Variants in GPR158 observed in about 807,000 individuals in gnomAD.
GPR158 encodes the protein G protein-coupled receptor 158.
In GPR158, 30 loss-of-function variants were observed where a neutral mutation model predicts 78.2. That is an observed-to-expected ratio of 0.38 (90% CI 0.29 to 0.52). The LOEUF is 0.52. GPR158 is among the 20% of genes least tolerant of loss of function. The pLI is 0.83. For missense variants in GPR158, 1,463 were observed against 1,523.5 expected, an observed-to-expected ratio of 0.96 and a Z score of 0.66; for synonymous variants, 581 against 591.1, an observed-to-expected ratio of 0.98 and a Z score of 0.25.
intron 4 of GPR158, among the ~76,000 whole-genome samples, chr10:25,437,049 A>G (rs902146428): frequency 1.2e-4 from 19 of 152,252 alleles, no homozygotes; most frequent in African/African-American, 3.6e-4. Flanking sequence ...AACAATTAAG[A>G]AGGAGGAGGC....
chr10:25,275,396 T>A (rs1854170584), intron 2 of GPR158, among the ~76,000 whole-genome samples: 1 of 152,214 alleles, frequency 6.6e-6, no homozygotes, highest in African/African-American at 2.4e-5. Context: ...CTTTTCCTTT[T>A]ATAATTGTCT....
At chr10:25,536,651 T>G (rs115291467) in intron 5 of GPR158, among the ~76,000 whole-genome samples, 1,629 of 152,378 alleles carry the variant, frequency 0.011, 35 homozygotes, top group African/African-American at 0.037. Context: ...CCAAATATCT[T>G]AGCTGATAAA....
At chr10:25,375,769 C>G (rs946447769) in intron 2 of GPR158, among the ~76,000 whole-genome samples, 4 of 151,658 alleles carry the variant, frequency 2.6e-5, no homozygotes, top group African/African-American at 9.6e-5. Context: ...TTGCTAATAT[C>G]GTAGTGTCTT....
At chr10:25,363,290 G>GT (rs549320203) in intron 2 of GPR158, among the ~76,000 whole-genome samples, 50 of 151,940 alleles carry the variant, frequency 3.3e-4, no homozygotes, top group African/African-American at 1.1e-3. Flanking sequence ...TTCAGATTCT[G>GT]TTTTTATCAT....
Position 25,502,661 on chromosome 10 carries a change from G to T in GPR158, c.1404+35942G>T, listed in dbSNP as rs118036794. On this transcript the variant is annotated intron_variant, in intron 5 of 10. Transcript: ENST00000376351. ...GAGGCAGTGAGTTGCTAATTCCCAA[G>T]GACACCATCTATAGGCAGGACCATG... 4.8e-3 allele frequency among the ~76,000 whole-genome samples: 729 copies of T among 152,230 alleles called. 2 individuals carry two copies. Among genetic ancestry groups the T allele is most frequent in the Non-Finnish European group, 7.2e-3 (493 of 68,008 alleles).
In GPR158 at chr10:25,572,364, G is replaced by A. The variant is rs559416438; in HGVS notation, c.1515-285G>A. Among the ~76,000 whole-genome samples, 40 of 152,292 alleles carry A rather than the reference G, an allele frequency of 2.6e-4. 2 individuals are homozygous for A. Among genetic ancestry groups the A allele is most frequent in the Middle Eastern group, 6.8e-3 (2 of 294 alleles). ...CTGCATAAGCCAGGCACAGTGGCAC[G>A]TGCCTGGAGTCTCAGCTACTTGGAA... On this transcript the variant is annotated intron_variant, in intron 6 of 10. Transcript: ENST00000376351.
chr10:25,229,220 A>G (rs1188801027), intron 2 of GPR158, among the ~76,000 whole-genome samples: 1 of 152,118 alleles, frequency 6.6e-6, no homozygotes, highest in African/African-American at 2.4e-5. Context: ...GACAATTTGA[A>G]GAACCTTGAG....
intron 2 of GPR158, among the ~76,000 whole-genome samples, chr10:25,283,821 G>A (rs553778097): frequency 3.7e-4 from 56 of 151,748 alleles, no homozygotes; most frequent in Admixed American, 6.6e-4. Context: ...TTTTAATTTA[G>A]TTCAAAATAT....
At chr10:25,290,597 A>G (rs962045059) in intron 2 of GPR158, among the ~76,000 whole-genome samples, 13 of 152,162 alleles carry the variant, frequency 8.5e-5, no homozygotes. Flanking sequence ...CAAGGTAATG[A>G]TCAGAAAATG....
intron 2 of GPR158, among the ~76,000 whole-genome samples, chr10:25,341,738 A>G (rs1855305509): frequency 6.6e-6 from 1 of 151,814 alleles, no homozygotes; most frequent in Non-Finnish European, 1.5e-5. Flanking sequence ...ACTCTTATTT[A>G]TTCTGGATTT....
At chr10:25,585,369 G>C (rs1290862186) in intron 7 of GPR158, among the ~76,000 whole-genome samples, 1 of 152,186 alleles carries the variant, frequency 6.6e-6, no homozygotes, top group African/African-American at 2.4e-5. Flanking sequence ...GAAAAAAACT[G>C]AAAAACTCAG....
intron 2 of GPR158, among the ~76,000 whole-genome samples, chr10:25,371,612 T>C (rs1833994642): frequency 7.0e-6 from 1 of 143,822 alleles, no homozygotes; most frequent in African/African-American, 2.5e-5. Context: ...GGGAAAGGAT[T>C]CCCTATTTAA....
chr10:25,342,992 A>G (rs1169174544), intron 2 of GPR158, among the ~76,000 whole-genome samples: 1 of 151,926 alleles, frequency 6.6e-6, no homozygotes, highest in Non-Finnish European at 1.5e-5. Flanking sequence ...TTTCTGAAAG[A>G]TAAGACACTG....
chr10:25,394,272 A>G (rs1321458114), intron 2 of GPR158, among the ~76,000 whole-genome samples: 2 of 152,240 alleles, frequency 1.3e-5, no homozygotes, highest in Non-Finnish European at 2.9e-5. Flanking sequence ...TTAATTAAAG[A>G]CAGTAAGGCT....
rs1431456543 is a variant in GPR158, at chr10:25,503,990, A to G, written c.1404+37271A>G. Among the ~76,000 whole-genome samples the G allele has an allele frequency of 4.6e-5, 7 of 151,736 alleles. No individual in the cohort carries two copies. The East Asian group carries it at 1.4e-3, about 30-fold the overall frequency. ...ACTGCAATCTCTACCTCCCAGGTTC[A>G]AGCGATTCTCGTGCCTCAGCCTCCC... On this transcript the variant is annotated intron_variant, in intron 5 of 10. Coordinates refer to ENST00000376351, the MANE Select transcript of GPR158 (RefSeq NM_020752.3).
Position 25,434,138 on chromosome 10 carries a change from G to A in GPR158, c.1335+21665G>A, listed in dbSNP as rs868389674. ...GATGCGCCACTGCACTCCAGCCTGG[G>A]CGACACAGCAAGACTCTGTCTCAAA... On this transcript the variant is annotated intron_variant, in intron 4 of 10. Transcript: ENST00000376351. 3.3e-5 allele frequency among the ~76,000 whole-genome samples: 5 copies of A among 152,038 alleles called. No individual in the cohort carries two copies. In the South Asian group the frequency reaches 6.2e-4, roughly 19 times the overall value.
intron 5 of GPR158, among the ~76,000 whole-genome samples, chr10:25,494,140 AAG>A (rs2130650648): frequency 6.6e-6 from 1 of 152,284 alleles, no homozygotes; most frequent in South Asian, 2.1e-4. Flanking sequence ...TTGAGGAAAA[AAG>A]AGAGGGAGAG....
intron 4 of GPR158, among the ~76,000 whole-genome samples, chr10:25,419,633 C>G (rs1834718679): frequency 6.6e-6 from 1 of 152,180 alleles, no homozygotes; most frequent in Non-Finnish European, 1.5e-5. Flanking sequence ...CCTCCATACC[C>G]TAACCTACAT....
chr10:25,424,987 T>G (rs187233153), intron 4 of GPR158, among the ~76,000 whole-genome samples: 58 of 152,326 alleles, frequency 3.8e-4, no homozygotes, highest in African/African-American at 1.3e-3. Context: ...TATGGCCATT[T>G]TCACGACATT....
Sources: allele counts gnomAD v4.1 joint callset (sites outside exome capture counted in the v4.1 genomes callset), GRCh38; gene constraint gnomAD v4.1.1; transcripts MANE v1.5; gene names NCBI Gene and HGNC (gene_info 2026-07-23, HGNC 2026-07-21).